Variants in MCC observed in about 807,000 individuals in gnomAD.
MCC encodes the protein MCC regulator of Wnt signaling pathway.
In MCC, 90 loss-of-function variants were observed where a neutral mutation model predicts 116.2. The observed-to-expected ratio is 0.77, with a 90% CI of 0.65 to 0.92. The LOEUF (loss-of-function observed/expected upper bound fraction) is 0.92, where lower values mean the gene tolerates loss of function less well. MCC is among the 40% of genes least tolerant of loss of function. The probability of loss-of-function intolerance (pLI) is 0.00; values close to 1 mark genes in which losing one functional copy is unlikely to be tolerated. For missense variants in MCC, 1,516 were observed against 1,312.2 expected (o/e 1.16, Z -2.40); for synonymous variants, 578 against 510.5 (o/e 1.13, Z -1.78).
intron 2 of MCC, among the ~76,000 whole-genome samples, chr5:113,374,991 C>CAAAAA (rs70973680): frequency 4.7e-5 from 4 of 85,222 alleles, no homozygotes; most frequent in East Asian, 4.5e-4. Context: ...GACCCTGTCT[C>CAAAAA]AAAAAAAAAA....
At chr5:113,341,745 C>G (rs1056436632) in intron 2 of MCC, among the ~76,000 whole-genome samples, 5 of 152,144 alleles carry the variant, frequency 3.3e-5, no homozygotes, top group African/African-American at 1.2e-4. Flanking sequence ...ATGGAAGATG[C>G]CTGGATTCCA....
intron 1 of MCC, among the ~76,000 whole-genome samples, chr5:113,476,931 A>T (rs1772248914): frequency 2.0e-5 from 3 of 152,336 alleles, no homozygotes; most frequent in African/African-American, 7.2e-5. Flanking sequence ...GTTAAATATA[A>T]CTTAAAGAAA....
chr5:113,085,537 T>C (rs1397802486), intron 8 of MCC, among the ~76,000 whole-genome samples: 1 of 152,168 alleles, frequency 6.6e-6, no homozygotes, highest in Non-Finnish European at 1.5e-5. Context: ...AGTAGAGTTA[T>C]AAACCAAAGT....
chr5:113,276,529 G>A (rs1208273106), intron 3 of MCC, among the ~76,000 whole-genome samples: 1 of 152,082 alleles, frequency 6.6e-6, no homozygotes, highest in Non-Finnish European at 1.5e-5. Flanking sequence ...AGTTATGTAG[G>A]TGTGCTTATA....
chr5:113,473,073 T>C (rs868645443), intron 1 of MCC, among the ~76,000 whole-genome samples: 2 of 152,178 alleles, frequency 1.3e-5, no homozygotes, highest in South Asian at 2.1e-4. Context: ...CAAGTTAGTA[T>C]TGGGTAAGTT....
chr5:113,333,802 T>TATATATGTATATATGTAC (rs1554076863), intron 3 of MCC, among the ~76,000 whole-genome samples: 7 of 53,834 alleles, frequency 1.3e-4, no homozygotes, highest in East Asian at 3.9e-4. Flanking sequence ...TATATATATG[T>TATATATGTATATATGTAC]ATATATGTAT....
chr5:113,484,998 C>T (rs961803549), intron 1 of MCC, among the ~76,000 whole-genome samples: 3 of 152,210 alleles, frequency 2.0e-5, no homozygotes, highest in African/African-American at 7.2e-5. Context: ...GCTACTTGAT[C>T]ATAGCTTTCT....
intron 4 of MCC, among the ~76,000 whole-genome samples, chr5:113,143,832 T>TTTAC (rs1279689893): frequency 3.9e-5 from 6 of 152,360 alleles, no homozygotes; most frequent in Non-Finnish European, 8.8e-5. Context: ...TTATGGCTGT[T>TTTAC]CAGTTTCCCT....
Position 113,053,884 on chromosome 5 carries a change from G to C in MCC, c.2289C>G (p.Ile763Met). 3 of 1,614,136 alleles carry C rather than the reference G, an allele frequency of 1.9e-6. No individual in the cohort carries two copies. The highest frequency in any genetic ancestry group is 1.7e-6 in the Non-Finnish European group (2 of 1,180,036). Residue 763 changes from isoleucine (I) to methionine (M), a missense_variant, in exon 15 of 19, where the codon ATC becomes ATG. Transcript: ENST00000408903. ...KEDEQRLKDY[I>M]QQLKNDRAAV... ...CAGCCCTGTCATTCTTGAGCTGCTG[G>C]ATATAATCCTTCAGCCTCTGCTCGT...
chr5:113,051,266 C>T (rs1170120030), intron 15 of MCC, among the ~76,000 whole-genome samples: 1 of 151,992 alleles, frequency 6.6e-6, no homozygotes, highest in Non-Finnish European at 1.5e-5. Flanking sequence ...CCCCCACCAC[C>T]GAGGAAATGA....
At chr5:113,155,602 TG>T (rs1401583624) in intron 3 of MCC, among the ~76,000 whole-genome samples, 1 of 152,252 alleles carries the variant, frequency 6.6e-6, no homozygotes, top group African/African-American at 2.4e-5. Context: ...TTGTCAAGTA[TG>T]TATAAATGGG....
At chr5:113,126,301 G>A (rs1489423430) in intron 5 of MCC, among the ~76,000 whole-genome samples, 2 of 152,162 alleles carry the variant, frequency 1.3e-5, no homozygotes, top group Non-Finnish European at 2.9e-5. Flanking sequence ...GACTGGAAGG[G>A]ATTTTAAAGA....
chr5:113,451,563 C>T (rs1198745598), intron 1 of MCC, among the ~76,000 whole-genome samples: 2 of 152,090 alleles, frequency 1.3e-5, no homozygotes, highest in African/African-American at 2.4e-5. Flanking sequence ...GGAGAGACCT[C>T]GTCTCTACTA....
chr5:113,287,889 T>C (rs1049800173), intron 3 of MCC, among the ~76,000 whole-genome samples: 2 of 152,254 alleles, frequency 1.3e-5, no homozygotes, highest in Non-Finnish European at 2.9e-5. Flanking sequence ...TCTTGGGACT[T>C]AAAAGCTTCC....
intron 1 of MCC, among the ~76,000 whole-genome samples, chr5:113,422,577 T>C (rs1193550528): frequency 6.6e-6 from 1 of 152,060 alleles, no homozygotes; most frequent in African/African-American, 2.4e-5. Context: ...TTATAGGATA[T>C]AGGAAAGACC....
intron 11 of MCC, among the ~76,000 whole-genome samples, chr5:113,074,718 G>A (rs7728587): frequency 0.11 from 17,450 of 152,190 alleles, 2,485 homozygotes; most frequent in African/African-American, 0.34. Context: ...TGAAAACCAC[G>A]GCACAAGAAC....
chr5:113,070,983 C>T, intron 12 of MCC, 111 bp downstream of exon 12: 1 of 1,292,386 alleles, frequency 7.7e-7, no homozygotes, highest in Non-Finnish European at 1.1e-6. Flanking sequence ...ATGCCTTGGT[C>T]CAAACTGCCA....
intron 1 of MCC, among the ~76,000 whole-genome samples, chr5:113,444,548 A>C (rs1306353907): frequency 2.6e-5 from 4 of 152,220 alleles, no homozygotes; most frequent in African/African-American, 4.8e-5. Context: ...CCTCATCTAA[A>C]CTATATAGCC....
chr5:113,199,180 A>T (rs1762570421), intron 3 of MCC, among the ~76,000 whole-genome samples: 2 of 152,086 alleles, frequency 1.3e-5, no homozygotes, highest in South Asian at 4.2e-4. Flanking sequence ...TCCAAAGAAA[A>T]AAAAAGAAAG....
Sources: gnomAD v4.1 joint callset for allele counts (sites outside exome capture counted in the v4.1 genomes callset) on GRCh38, gnomAD v4.1.1 for gene constraint, MANE v1.5 for transcripts, NCBI Gene and HGNC (gene_info 2026-07-23, HGNC 2026-07-21) for gene names.